ADGRL3: variants seen among roughly 807,000 people sequenced by gnomAD.
The protein encoded by ADGRL3 is calcium-independent alpha-latrotoxin receptor 3.
ADGRL3 carries 62 observed loss-of-function variants against 153.5 expected under a neutral mutation model. The observed-to-expected ratio is 0.40, with a 90% CI of 0.33 to 0.50. ADGRL3 has a LOEUF of 0.50. ADGRL3 is among the 20% of genes least tolerant of loss of function. The probability of loss-of-function intolerance (pLI) is 0.47; values close to 1 mark genes in which losing one functional copy is unlikely to be tolerated. For synonymous variants in ADGRL3, 710 were observed against 672.5 expected (o/e 1.06, Z -0.86); for missense variants, 1,641 against 1,859.4 (o/e 0.88, Z 2.16).
chr4:61,962,314 T>G (rs1297572958), intron 17 of ADGRL3, among the ~76,000 whole-genome samples: 3 of 152,162 alleles, frequency 2.0e-5, no homozygotes, highest in African/African-American at 7.2e-5. Context: ...AATTATATTT[T>G]AAGAACATTA....
chr4:61,457,903 T>TAGAA (rs2097772232), intron 2 of ADGRL3, among the ~76,000 whole-genome samples: 1 of 150,636 alleles, frequency 6.6e-6, no homozygotes, highest in Admixed American at 6.7e-5. Context: ...GATAGATAGA[T>TAGAA]GCAGCCGTTT....
intron 8 of ADGRL3, among the ~76,000 whole-genome samples, chr4:61,738,640 C>A (rs2096546889): frequency 6.6e-6 from 1 of 151,976 alleles, no homozygotes; most frequent in Non-Finnish European, 1.5e-5. Flanking sequence ...TTATTAATTC[C>A]AGTTCCTTAC....
intron 21 of ADGRL3, among the ~76,000 whole-genome samples, chr4:62,025,462 C>A (rs1717953323): frequency 1.3e-5 from 2 of 152,176 alleles, no homozygotes; most frequent in South Asian, 4.1e-4. Context: ...GGACTTGGAG[C>A]ACCTGGCCTG....
At position 62,037,853 on chromosome 4, in the gene ADGRL3, A is replaced by G; in HGVS notation, c.3714A>G (p.Ser1238=). 6.2e-6 allele frequency: 10 copies of G among 1,613,672 alleles called. No individual in the cohort carries two copies. Among genetic ancestry groups the G allele is most frequent in the Non-Finnish European group, 8.5e-6 (10 of 1,179,714 alleles). ...CTCCTGGACGCTACTCCACAGGCTC[A>G]CAGGTAAACAATATTTGTTCACTGA... is the stretch of plus-strand genomic sequence containing the variant. The part of the protein sequence containing the change: ...SRTPGRYSTG[S]QSRIRRMWND... Residue 1238 remains serine, a synonymous_variant, in exon 24 of 27, where the codon TCA becomes TCG. Transcript: ENST00000683033.
intron 1 of ADGRL3, among the ~76,000 whole-genome samples, chr4:61,233,514 A>G (rs534867166): frequency 6.6e-6 from 1 of 152,300 alleles, no homozygotes; most frequent in East Asian, 1.9e-4. Flanking sequence ...AGCTTGTTCT[A>G]TTAAACAGGC....
intron 15 of ADGRL3, among the ~76,000 whole-genome samples, chr4:61,939,953 A>G (rs1370780998): frequency 6.6e-6 from 1 of 150,792 alleles, no homozygotes; most frequent in Non-Finnish European, 1.5e-5. Flanking sequence ...ATTATACTCT[A>G]AGTTTTAGGG....
intron 2 of ADGRL3, among the ~76,000 whole-genome samples, chr4:61,387,053 C>T (rs912245413): frequency 7.9e-5 from 12 of 152,170 alleles, no homozygotes; most frequent in East Asian, 7.7e-4. Context: ...AAGCGTTGGC[C>T]GCCTTGAGAA....
chr4:61,829,778 C>T (rs2097849479), intron 9 of ADGRL3, among the ~76,000 whole-genome samples: 1 of 152,016 alleles, frequency 6.6e-6, no homozygotes, highest in Non-Finnish European at 1.5e-5. Flanking sequence ...GCAATAGGTA[C>T]AAAAGACACA....
chr4:62,041,192 G>A (rs1728088538), intron 24 of ADGRL3, among the ~76,000 whole-genome samples: 1 of 152,056 alleles, frequency 6.6e-6, no homozygotes, highest in African/African-American at 2.4e-5. Flanking sequence ...TGCAGGGGAT[G>A]ATGGCCAAGA....
At position 62,070,266 on chromosome 4, in the gene ADGRL3, GAA is replaced by G. The variant is rs1427065036; in HGVS notation, c.3994_3995del (p.Lys1332AspfsTer18). 1.2e-6 allele frequency: 2 copies of G among 1,603,040 alleles called. No homozygotes were observed. The highest frequency in any genetic ancestry group is 1.7e-6 in the Non-Finnish European group (2 of 1,173,748). On this transcript the variant is annotated frameshift_variant, in exon 27 of 27. Transcript: ENST00000683033. LOFTEE classifies it high-confidence loss of function. ...ATAACCATAACGAGACCGCCCTAGAGAAAAAGATTCTGAAGGAACTCACTTCC... is the reference window on the plus strand; with the variant it reads ...ATAACCATAACGAGACCGCCCTAGAGAAAGATTCTGAAGGAACTCACTTCC... ...GYNHNETALE[K>X]KILKELTSNY...
intron 9 of ADGRL3, among the ~76,000 whole-genome samples, chr4:61,856,600 C>CT (rs2098269618): frequency 1.3e-4 from 3 of 23,454 alleles, no homozygotes; most frequent in African/African-American, 3.0e-4. Context: ...CTCTCTCTCT[C>CT]TCTCTTTTTT....
intron 2 of ADGRL3, among the ~76,000 whole-genome samples, chr4:61,406,673 T>C (rs1232999833): frequency 1.3e-5 from 2 of 152,016 alleles, no homozygotes; most frequent in Non-Finnish European, 2.9e-5. Flanking sequence ...ATTGGAGTTA[T>C]TAAACATTTG....
intron 11 of ADGRL3, among the ~76,000 whole-genome samples, chr4:61,898,780 C>T (rs547432528): frequency 7.4e-4 from 112 of 152,022 alleles, no homozygotes; most frequent in Middle Eastern, 6.8e-3. Context: ...CAACACTTGG[C>T]GAATTTTTTG....
At chr4:61,228,675 G>A (rs756162961) in intron 1 of ADGRL3, among the ~76,000 whole-genome samples, 7 of 152,108 alleles carry the variant, frequency 4.6e-5, no homozygotes, top group Non-Finnish European at 8.8e-5. Context: ...GGAGAAATTT[G>A]TCTTTATGTC....
chr4:61,576,846 T>C (rs1169497473), intron 4 of ADGRL3, among the ~76,000 whole-genome samples: 1 of 151,840 alleles, frequency 6.6e-6, no homozygotes, highest in African/African-American at 2.4e-5. Context: ...GTTAGGTTTA[T>C]TGGTCTAATC....
At chr4:61,801,124 A>G (rs1238631627) in intron 8 of ADGRL3, among the ~76,000 whole-genome samples, 1 of 152,114 alleles carries the variant, frequency 6.6e-6, no homozygotes, top group African/African-American at 2.4e-5. Flanking sequence ...TGTGGGTGAA[A>G]ACGTCATGGC....
At chr4:62,057,166 T>G (rs532277748) in intron 25 of ADGRL3, among the ~76,000 whole-genome samples, 1 of 152,294 alleles carries the variant, frequency 6.6e-6, no homozygotes, top group Non-Finnish European at 1.5e-5. Flanking sequence ...GAGATCCAAC[T>G]GTCATCCTTT....
At chr4:61,962,982 A>G (rs527921359) in intron 17 of ADGRL3, among the ~76,000 whole-genome samples, 207 of 152,222 alleles carry the variant, frequency 1.4e-3, no homozygotes, top group African/African-American at 4.8e-3. Context: ...ACAACTATAG[A>G]GGATGCTGTG....
chr4:61,917,318 T>C (rs1428994730), intron 13 of ADGRL3, among the ~76,000 whole-genome samples: 1 of 152,342 alleles, frequency 6.6e-6, no homozygotes, highest in South Asian at 2.1e-4. Flanking sequence ...ATTTCAGGGA[T>C]GGAATGCAGT....
Sources: allele counts gnomAD v4.1 joint callset (sites outside exome capture counted in the v4.1 genomes callset), GRCh38; gene constraint gnomAD v4.1.1; transcripts MANE v1.5; gene names NCBI Gene and HGNC (gene_info 2026-07-23, HGNC 2026-07-21).